Variants in PCDHA5 observed in about 807,000 individuals in gnomAD.
PCDHA5 encodes the protein protocadherin alpha-5.
A neutral mutation model predicts 61.6 loss-of-function variants in PCDHA5; 43 were observed. That is an observed-to-expected ratio of 0.70 (90% CI 0.55 to 0.90). The LOEUF is 0.90. Among genes scored for constraint, PCDHA5 ranks in the 40% least tolerant of loss-of-function variants. The pLI is 0.00. For missense variants in PCDHA5, 1,298 were observed against 1,222.7 expected, an observed-to-expected ratio of 1.06 and a Z score of -0.92; for synonymous variants, 627 against 543.9, an observed-to-expected ratio of 1.15 and a Z score of -2.13.
chr5:140,823,932 G>T lies in PCDHA5; in HGVS notation c.2157G>T (p.Ala719=), dbSNP rs2150130492. The T allele has an allele frequency of 1.2e-6, 2 of 1,613,980 alleles. No homozygotes were observed. The highest frequency in any genetic ancestry group is 2.2e-5 in the South Asian group (2 of 91,068). ...LLVLTLLLYT[A]LRCSAQPTEA... ...TGCTCACGCTGCTGCTGTACACCGCGCTGCGGTGCTCGGCGCAGCCCACCG... is the reference window on the plus strand; with the variant it reads ...TGCTCACGCTGCTGCTGTACACCGCTCTGCGGTGCTCGGCGCAGCCCACCG... Residue 719 remains alanine, a synonymous_variant, in exon 1 of 4, where the codon GCG becomes GCT. Transcript: ENST00000529859.
At position 140,845,457 on chromosome 5, in the gene PCDHA5, T is replaced by C. The variant is rs1172652136; in HGVS notation, c.2352+21330T>C. 2.0e-5 allele frequency among the ~76,000 whole-genome samples: 3 copies of C among 149,680 alleles called. 1 individual carries two copies. The highest frequency in any genetic ancestry group is 4.5e-5 in the Non-Finnish European group (3 of 66,882). ...TTAGTTCTGTTTTTCTTCAACTCTC[T>C]GATATTTGAATTTGGGGTTGTGCTT... On this transcript the variant is annotated intron_variant, in intron 1 of 3. Coordinates refer to ENST00000529859, the MANE Select transcript of PCDHA5 (RefSeq NM_018908.3).
chr5:140,824,167 T>A, intron 1 of PCDHA5, 40 bp downstream of exon 1: 1 of 1,610,732 alleles, frequency 6.2e-7, no homozygotes, highest in Non-Finnish European at 8.5e-7. Context: ...TCCCTCCCAA[T>A]TTTCAAATAT....
chr5:140,855,571 T>G (rs2043521120), intron 1 of PCDHA5, among the ~76,000 whole-genome samples: 1 of 149,810 alleles, frequency 6.7e-6, no homozygotes, highest in Non-Finnish European at 1.5e-5. Context: ...AAAGTTGTCA[T>G]TTAATAAAAT....
intron 1 of PCDHA5, chr5:140,884,056 G>C (rs782776341): frequency 6.2e-7 from 1 of 1,613,476 alleles, no homozygotes; most frequent in African/African-American, 1.3e-5. Context: ...AGGTGCGCGC[G>C]GTGGACGCCG....
At position 140,823,197 on chromosome 5, in the gene PCDHA5, CA is replaced by C. The variant is rs2150123316; in HGVS notation, c.1423del (p.Thr475ArgfsTer60). The C allele has an allele frequency of 4.3e-5, 69 of 1,613,746 alleles. No individual in the cohort carries two copies. Among genetic ancestry groups the C allele is most frequent in the Non-Finnish European group, 5.6e-5 (66 of 1,179,844 alleles). ...ACAACCCGCCAGGCTGCCACATCTTCACGGTGTCTGCACGGGACGCGGACGC... is the reference window on the plus strand; with the variant it reads ...ACAACCCGCCAGGCTGCCACATCTTCCGGTGTCTGCACGGGACGCGGACGC... ...ENNPPGCHIFTVSARDADAQE... is the reference protein window; with the variant it reads ...ENNPPGCHIFXVSARDADAQE... On this transcript the variant is annotated frameshift_variant, in exon 1 of 4. Coordinates refer to ENST00000529859, the MANE Select transcript of PCDHA5 (RefSeq NM_018908.3). LOFTEE classifies it high-confidence loss of function.
At chr5:140,983,904 C>T (rs1227752084) in intron 3 of PCDHA5, among the ~76,000 whole-genome samples, 2 of 152,164 alleles carry the variant, frequency 1.3e-5, no homozygotes, top group African/African-American at 4.8e-5. Context: ...TTCGTTGATT[C>T]TAATCAGCCA....
intron 1 of PCDHA5, chr5:140,834,834 C>G (rs1580793449): frequency 6.2e-7 from 1 of 1,611,936 alleles, no homozygotes; most frequent in Non-Finnish European, 8.5e-7. Flanking sequence ...GCTTGACTCT[C>G]GGTTTCCACT....
chr5:140,917,483 G>C (rs1237773555), intron 1 of PCDHA5, among the ~76,000 whole-genome samples: 1 of 152,152 alleles, frequency 6.6e-6, no homozygotes, highest in Non-Finnish European at 1.5e-5. Flanking sequence ...CTTTGCCAGG[G>C]CCTATGCCCA....
intron 1 of PCDHA5, chr5:140,862,433 G>C (rs781821294): frequency 2.8e-6 from 1 of 354,766 alleles, no homozygotes; most frequent in African/African-American, 2.1e-5. Context: ...GAAACTATTC[G>C]TTGGTACTCC....
intron 1 of PCDHA5, chr5:140,884,644 C>T (rs1554181804): frequency 6.2e-7 from 1 of 1,608,094 alleles, no homozygotes; most frequent in South Asian, 1.1e-5. Flanking sequence ...GGGAGGAGGA[C>T]TCAGAATGCT....
In PCDHA5 at chr5:140,823,620, C is replaced by A; in HGVS notation, c.1845C>A (p.Gly615=). The A allele has an allele frequency of 1.9e-6, 3 of 1,614,040 alleles. No individual in the cohort carries two copies. The highest frequency in any genetic ancestry group is 1.1e-5 in the South Asian group (1 of 91,086). Residue 615 remains glycine (G), a synonymous_variant, in exon 1 of 4, where the codon GGC becomes GGA. Transcript: ENST00000529859. ...CGTATGAGCTGCAGCCAGCGCCTGG[C>A]AGTGCGCGCATCCCGTTCCGCGTGG... ...WLSYELQPAP[G]SARIPFRVGL... is the part of the protein sequence containing the mutation.
chr5:140,829,028 G>T (rs2150162015), intron 1 of PCDHA5: 1 of 1,613,544 alleles, frequency 6.2e-7, no homozygotes, highest in South Asian at 1.1e-5. Flanking sequence ...TTTTGAACAA[G>T]AAAACTTATA....
chr5:140,981,252 T>C (rs1482350756), intron 2 of PCDHA5, among the ~76,000 whole-genome samples: 1 of 152,240 alleles, frequency 6.6e-6, no homozygotes, highest in African/African-American at 2.4e-5. Context: ...GAAATTTAAC[T>C]TTCAAGATAA....
intron 3 of PCDHA5, among the ~76,000 whole-genome samples, chr5:140,996,581 A>C (rs1554255228): frequency 6.6e-6 from 1 of 152,118 alleles, no homozygotes; most frequent in Non-Finnish European, 1.5e-5. Flanking sequence ...ATTTGTTAAC[A>C]AGGGCCGCCT....
intron 3 of PCDHA5, among the ~76,000 whole-genome samples, chr5:140,990,966 A>G (rs2097424130): frequency 6.6e-6 from 1 of 152,214 alleles, no homozygotes; most frequent in Non-Finnish European, 1.5e-5. Context: ...GTCTCTTAGA[A>G]CAAGAGAAAG....
At chr5:140,882,282 G>A in intron 1 of PCDHA5, 3 of 1,612,830 alleles carry the variant, frequency 1.9e-6, no homozygotes, top group Non-Finnish European at 2.5e-6. Context: ...CTGTCTTCCT[G>A]GCAAGGAGGC....
intron 1 of PCDHA5, chr5:140,824,328 T>C: frequency 4.6e-6 from 3 of 658,016 alleles, no homozygotes; most frequent in Non-Finnish European, 7.8e-6. Flanking sequence ...CTTTCTGTGA[T>C]ATTAAGTGTT....
Position 140,841,591 on chromosome 5 carries a change from C to A in PCDHA5, c.2352+17464C>A, listed in dbSNP as rs2150318680. On this transcript the variant is annotated intron_variant, in intron 1 of 3. Coordinates refer to ENST00000529859, the MANE Select transcript of PCDHA5 (RefSeq NM_018908.3). ...GCATTTTGTTTGTGAATTCTCGGAT[C>A]GACCGCGAGGAGCTGTGCGGGCGGA... The A allele has an allele frequency of 3.1e-6, 5 of 1,614,046 alleles. No individual in the cohort carries two copies. In the South Asian group the frequency reaches 5.5e-5, roughly 18 times the overall value.
chr5:140,843,269 C>T, intron 1 of PCDHA5: 1 of 1,596,112 alleles, frequency 6.3e-7, no homozygotes, highest in Non-Finnish European at 8.6e-7. Flanking sequence ...TCTGCTGGTC[C>T]TGGTGAAGGA....
Sources: allele counts gnomAD v4.1 joint callset (sites outside exome capture counted in the v4.1 genomes callset), GRCh38; gene constraint gnomAD v4.1.1; transcripts MANE v1.5; gene names NCBI Gene and HGNC (gene_info 2026-07-23, HGNC 2026-07-21).